The following QTMAN variants were observed in gnomAD, a reference collection of about 807,000 sequenced individuals.
QTMAN encodes the protein queuosine-tRNA mannosyltransferase.
chr2:143,946,885 G>GCCGCCA, the QTMAN span: 2 of 566,494 alleles, frequency 3.5e-6, no homozygotes, highest in Non-Finnish European at 6.3e-6. Flanking sequence ...GAGATCTGAA[G>GCCGCCA]CCGCCACAGG....
the QTMAN span, among the ~76,000 whole-genome samples, chr2:144,214,470 T>C: frequency 6.6e-6 from 1 of 152,226 alleles, no homozygotes. Context: ...AGCATTAGTC[T>C]GAACTGCAGA....
the QTMAN span, among the ~76,000 whole-genome samples, chr2:144,315,058 G>A: frequency 6.6e-6 from 1 of 151,874 alleles, no homozygotes; most frequent in Non-Finnish European, 1.5e-5. Flanking sequence ...GCTAATTTTG[G>A]TATTTTTAAT....
At chr2:144,326,064 T>A in the QTMAN span, among the ~76,000 whole-genome samples, 1 of 152,234 alleles carries the variant, frequency 6.6e-6, no homozygotes, top group Non-Finnish European at 1.5e-5. Context: ...AATGAGAATT[T>A]ACTCTTTAGT....
At chr2:143,995,169 C>T in the QTMAN span, among the ~76,000 whole-genome samples, 1 of 152,092 alleles carries the variant, frequency 6.6e-6, no homozygotes, top group Non-Finnish European at 1.5e-5. Context: ...CATTTGGTAG[C>T]CTTTTATAGA....
the QTMAN span, among the ~76,000 whole-genome samples, chr2:144,079,360 T>C: frequency 6.6e-6 from 1 of 152,148 alleles, no homozygotes; most frequent in East Asian, 1.9e-4. Context: ...ATGATTTCTT[T>C]GCAAAGTTGA....
the QTMAN span, among the ~76,000 whole-genome samples, chr2:144,038,274 T>C: frequency 1.3e-5 from 2 of 151,938 alleles, no homozygotes; most frequent in African/African-American, 4.8e-5. Flanking sequence ...CTTTGGGACT[T>C]ACTTCACAGT....
the QTMAN span, among the ~76,000 whole-genome samples, chr2:144,251,861 TTTAAAACTC>T: frequency 6.6e-6 from 1 of 152,182 alleles, no homozygotes; most frequent in African/African-American, 2.4e-5. Flanking sequence ...AAATATATTT[TTTAAAACTC>T]TTAAAACTCA....
chr2:144,005,549 T>A, the QTMAN span, among the ~76,000 whole-genome samples: 29 of 152,246 alleles, frequency 1.9e-4, no homozygotes, highest in Admixed American at 1.0e-3. Flanking sequence ...TCTACTATAT[T>A]ACCCGTAAGG....
At chr2:144,253,044 G>A in the QTMAN span, among the ~76,000 whole-genome samples, 1 of 152,134 alleles carries the variant, frequency 6.6e-6, no homozygotes, top group African/African-American at 2.4e-5. Context: ...GGAGCCTGGT[G>A]GGAGGTAATT....
chr2:143,942,610 T>A, the QTMAN span: 1 of 166,946 alleles, frequency 6.0e-6, no homozygotes, highest in East Asian at 1.9e-4. Flanking sequence ...CAGAAGGGAG[T>A]TTAGAGCTAT....
chr2:144,018,856 A>G, the QTMAN span, among the ~76,000 whole-genome samples: 2 of 152,168 alleles, frequency 1.3e-5, no homozygotes, highest in Non-Finnish European at 2.9e-5. Context: ...ACCCAGCCCT[A>G]GAAAGGGAGT....
chr2:143,976,434 T>C, the QTMAN span, among the ~76,000 whole-genome samples: 3 of 152,232 alleles, frequency 2.0e-5, no homozygotes, highest in Non-Finnish European at 4.4e-5. Context: ...CTTCCCATTA[T>C]GAAATAGCAC....
chr2:144,182,627 C>G, the QTMAN span, among the ~76,000 whole-genome samples: 133 of 105,520 alleles, frequency 1.3e-3, no homozygotes, highest in Non-Finnish European at 1.8e-3. Context: ...CTGGACAACA[C>G]AGTGAGACTC....
At chr2:143,961,038 G>T in the QTMAN span, among the ~76,000 whole-genome samples, 259 of 152,202 alleles carry the variant, frequency 1.7e-3, no homozygotes, top group Non-Finnish European at 2.7e-3. Flanking sequence ...TGAAAGAGGT[G>T]ACATGGCTAA....
At chr2:144,246,317 T>C in the QTMAN span, among the ~76,000 whole-genome samples, 1 of 152,022 alleles carries the variant, frequency 6.6e-6, no homozygotes, top group Non-Finnish European at 1.5e-5. Context: ...CTCACGCCTG[T>C]AATCCCAGCA....
At chr2:144,007,961 C>A in the QTMAN span, among the ~76,000 whole-genome samples, 2 of 152,086 alleles carry the variant, frequency 1.3e-5, no homozygotes, top group Non-Finnish European at 2.9e-5. Context: ...CATTTCTGCT[C>A]ATGACTGTTC....
At chr2:144,310,338 G>A in the QTMAN span, among the ~76,000 whole-genome samples, 1 of 152,058 alleles carries the variant, frequency 6.6e-6, no homozygotes, top group African/African-American at 2.4e-5. Context: ...TAGGTAGAGA[G>A]TCCAAAAAAG....
the QTMAN span, among the ~76,000 whole-genome samples, chr2:143,965,761 G>A: frequency 6.6e-6 from 1 of 152,184 alleles, no homozygotes; most frequent in South Asian, 2.1e-4. Context: ...CCCTGGAGGT[G>A]GAGGTGGGAA....
chr2:144,161,941 T>A, the QTMAN span, among the ~76,000 whole-genome samples: 70 of 152,348 alleles, frequency 4.6e-4, no homozygotes, highest in African/African-American at 1.7e-3. Flanking sequence ...TCTTATTTCA[T>A]GTGTTACAGT....
Sources: allele counts gnomAD v4.1 joint callset (sites outside exome capture counted in the v4.1 genomes callset), GRCh38; gene constraint gnomAD v4.1.1; transcripts MANE v1.5; gene names NCBI Gene and HGNC (gene_info 2026-07-23, HGNC 2026-07-21).